STPG2: variants seen among roughly 807,000 people sequenced by gnomAD.
STPG2 encodes sperm-tail PG-rich repeat-containing protein 2.
In STPG2, 56 loss-of-function variants were observed where a neutral mutation model predicts 54.2. The observed-to-expected ratio is 1.03, with a 90% CI of 0.83 to 1.29. The LOEUF (loss-of-function observed/expected upper bound fraction) is 1.29, where lower values mean the gene tolerates loss of function less well. Ranked by LOEUF, STPG2 falls within the 50% of genes most tolerant of loss-of-function variation. The pLI is 0.00. For missense variants in STPG2, 596 were observed against 544.9 expected, an observed-to-expected ratio of 1.09 and a Z score of -0.93; for synonymous variants, 200 against 181.8, an observed-to-expected ratio of 1.10 and a Z score of -0.81.
intron 5 of STPG2, among the ~76,000 whole-genome samples, chr4:98,084,885 G>A (rs1443988464): frequency 1.3e-5 from 2 of 151,906 alleles, no homozygotes; most frequent in Non-Finnish European, 2.9e-5. Context: ...TTGCAATATT[G>A]TCTCCCAGTC....
intron 10 of STPG2, among the ~76,000 whole-genome samples, chr4:97,583,533 C>G (rs1732916066): frequency 7.6e-6 from 1 of 132,012 alleles, no homozygotes. Flanking sequence ...AGTGTAATCA[C>G]TGCTTCTCAT....
chr4:97,942,514 A>G (rs1733027032), intron 8 of STPG2, among the ~76,000 whole-genome samples: 1 of 152,102 alleles, frequency 6.6e-6, no homozygotes, highest in Non-Finnish European at 1.5e-5. Context: ...TTATAATTAC[A>G]AAAATCTCAT....
intron 7 of STPG2, among the ~76,000 whole-genome samples, chr4:97,964,781 C>T (rs1337536599): frequency 6.6e-6 from 1 of 152,140 alleles, no homozygotes; most frequent in African/African-American, 2.4e-5. Flanking sequence ...CTGTACTACA[C>T]AAAATTCAGT....
intron 9 of STPG2, among the ~76,000 whole-genome samples, chr4:97,740,895 C>T (rs76246124): frequency 0.41 from 62,263 of 151,918 alleles, 13,091 homozygotes; most frequent in African/African-American, 0.51. Context: ...AAAAAGAGCC[C>T]GCATCGCCAA....
At chr4:98,119,587 T>C (rs1025968360) in intron 3 of STPG2, among the ~76,000 whole-genome samples, 4 of 152,166 alleles carry the variant, frequency 2.6e-5, no homozygotes, top group Non-Finnish European at 5.9e-5. Flanking sequence ...AACTGCATTA[T>C]GGTTATAAAA....
intron 8 of STPG2, among the ~76,000 whole-genome samples, chr4:97,860,137 G>A (rs1281100278): frequency 6.6e-6 from 1 of 152,180 alleles, no homozygotes; most frequent in African/African-American, 2.4e-5. Context: ...TAGCCTTGTA[G>A]TATAATTTAA....
chr4:97,488,449 TA>T (rs1358645757), intron 4 of STPG2, among the ~76,000 whole-genome samples: 2 of 151,696 alleles, frequency 1.3e-5, no homozygotes, highest in African/African-American at 2.4e-5. Context: ...AATCTGTCCC[TA>T]AAATAAACTC....
chr4:98,131,549 A>G (rs1342461196), intron 2 of STPG2, among the ~76,000 whole-genome samples: 1 of 152,182 alleles, frequency 6.6e-6, no homozygotes, highest in Non-Finnish European at 1.5e-5. Flanking sequence ...GCCTTAAAAC[A>G]TATCTTCCTA....
chr4:97,997,195 C>T (rs1735268079), intron 5 of STPG2, among the ~76,000 whole-genome samples: 1 of 152,106 alleles, frequency 6.6e-6, no homozygotes, highest in African/African-American at 2.4e-5. Flanking sequence ...ATCTGAATGC[C>T]CATCAGTAGT....
intron 8 of STPG2, among the ~76,000 whole-genome samples, chr4:97,867,194 C>G (rs576228260): frequency 1.3e-5 from 2 of 151,936 alleles, no homozygotes; most frequent in Non-Finnish European, 2.9e-5. Flanking sequence ...TTCTCCTCAA[C>G]TGTTGATAAT....
intron 10 of STPG2, among the ~76,000 whole-genome samples, chr4:97,676,005 T>C (rs1259338242): frequency 6.8e-6 from 1 of 146,282 alleles, no homozygotes; most frequent in African/African-American, 2.5e-5. Context: ...ATATATATAC[T>C]ATATATATTA....
At chr4:98,036,079 G>T (rs1034266663) in intron 5 of STPG2, among the ~76,000 whole-genome samples, 7 of 151,582 alleles carry the variant, frequency 4.6e-5, no homozygotes, top group African/African-American at 7.3e-5. Context: ...ATATACCCCA[G>T]AACTTAAAGT....
intron 5 of STPG2, among the ~76,000 whole-genome samples, chr4:98,010,625 T>C (rs184380332): frequency 6.6e-6 from 1 of 152,314 alleles, no homozygotes; most frequent in East Asian, 1.9e-4. Context: ...TTTAATACTC[T>C]TACATTTAAA....
At chr4:97,617,902 G>T (rs1733914843) in intron 10 of STPG2, among the ~76,000 whole-genome samples, 1 of 152,108 alleles carries the variant, frequency 6.6e-6, no homozygotes. Context: ...TAAGAATAGT[G>T]GTTAGATAGG....
intron 10 of STPG2, among the ~76,000 whole-genome samples, chr4:97,576,698 A>G (rs1732732680): frequency 6.6e-6 from 1 of 152,170 alleles, no homozygotes; most frequent in African/African-American, 2.4e-5. Flanking sequence ...CAAAGAATTT[A>G]TCATTAAGTC....
chr4:97,463,319 C>A (rs370564169), intron 4 of STPG2, among the ~76,000 whole-genome samples: 2 of 152,004 alleles, frequency 1.3e-5, no homozygotes, highest in East Asian at 3.9e-4. Context: ...AAATTTCGGA[C>A]GCTTTATTAG....
chr4:97,784,977 A>C (rs1726779847), intron 9 of STPG2, among the ~76,000 whole-genome samples: 1 of 152,036 alleles, frequency 6.6e-6, no homozygotes, highest in African/African-American at 2.4e-5. Context: ...TTTTTAAAGA[A>C]TTCTGCCTGA....
intron 4 of STPG2, among the ~76,000 whole-genome samples, chr4:97,551,103 A>C (rs951947059): frequency 2.0e-5 from 3 of 152,030 alleles, no homozygotes; most frequent in African/African-American, 7.3e-5. Context: ...GGTCCATTTT[A>C]CAGAGTGCTG....
intron 5 of STPG2, among the ~76,000 whole-genome samples, chr4:98,034,575 C>T (rs540606058): frequency 1.3e-5 from 2 of 152,288 alleles, no homozygotes; most frequent in East Asian, 1.9e-4. Flanking sequence ...CATTGACATT[C>T]TTCACAGAAC....
Sources: allele counts gnomAD v4.1 joint callset (sites outside exome capture counted in the v4.1 genomes callset), GRCh38; gene constraint gnomAD v4.1.1; transcripts MANE v1.5; gene names NCBI Gene and HGNC (gene_info 2026-07-23, HGNC 2026-07-21).